The following HOGA1 variants were observed in gnomAD, a reference collection of about 807,000 sequenced individuals.
The protein encoded by HOGA1 is 4-hydroxy-2-oxoglutarate aldolase, mitochondrial.
A neutral mutation model predicts 34.3 loss-of-function variants in HOGA1; 30 were observed. That is an observed-to-expected ratio of 0.87 (90% CI 0.65 to 1.19). HOGA1 has a LOEUF of 1.19. Ranked by LOEUF, HOGA1 falls within the 50% of genes most tolerant of loss-of-function variation. The probability of loss-of-function intolerance (pLI) is 0.00; values close to 1 mark genes in which losing one functional copy is unlikely to be tolerated. For missense variants in HOGA1, 417 were observed against 436.5 expected (o/e 0.96, Z 0.40); for synonymous variants, 161 against 174.0 (o/e 0.93, Z 0.59).
chr10:97,596,284 C>T (rs2041070855), intron 1 of HOGA1, among the ~76,000 whole-genome samples: 2 of 152,186 alleles, frequency 1.3e-5, no homozygotes, highest in South Asian at 4.1e-4. Context: ...CTCAGCTGTC[C>T]TGCTGTTTAG....
intron 6 of HOGA1, among the ~76,000 whole-genome samples, chr10:97,605,730 A>G (rs930940306): frequency 5.9e-5 from 9 of 152,122 alleles, no homozygotes; most frequent in Non-Finnish European, 8.8e-5. Flanking sequence ...TGCTATCTGT[A>G]TATCCTTTTC....
chr10:97,589,740 G>A, intron 1 of HOGA1: 1 of 660,564 alleles, frequency 1.5e-6, no homozygotes, highest in South Asian at 1.9e-5. Context: ...TGGGGAGCCT[G>A]CCCTTTCAAG....
Position 97,601,989 on chromosome 10 carries a change from C to CG in HOGA1, c.834+1dup. The CG allele has an allele frequency of 6.2e-7, 1 of 1,611,264 alleles. No homozygotes were observed. Among genetic ancestry groups the CG allele is most frequent in the Admixed American group, 1.7e-5 (1 of 59,596 alleles). On this transcript the variant is annotated frameshift_variant and splice_region_variant, in exon 6 of 7. Transcript: ENST00000370646. LOFTEE classifies it high-confidence loss of function. ...CACCGCCTCATTGAGCCAAACGCTG[C>CG]GGTGAGCCAGTGGCAGCGGGGGCGC...
At chr10:97,605,485 C>G (rs2041150830) in intron 6 of HOGA1, among the ~76,000 whole-genome samples, 1 of 151,986 alleles carries the variant, frequency 6.6e-6, no homozygotes, top group South Asian at 2.1e-4. Context: ...AGAAACAAAC[C>G]TGCTAAACCT....
At chr10:97,588,266 C>T (rs888758223) in intron 1 of HOGA1, among the ~76,000 whole-genome samples, 11 of 146,086 alleles carry the variant, frequency 7.5e-5, no homozygotes, top group Non-Finnish European at 1.5e-4. Context: ...GGCACGATCT[C>T]GGCTTACTGC....
chr10:97,589,789 A>C (rs1048754727), intron 1 of HOGA1: 1 of 801,310 alleles, frequency 1.2e-6, no homozygotes, highest in Non-Finnish European at 2.1e-6. Flanking sequence ...GCGTGCTCTT[A>C]GCTCTGCCTG....
chr10:97,586,029 C>T (rs562045180), intron 1 of HOGA1, among the ~76,000 whole-genome samples: 69 of 151,714 alleles, frequency 4.5e-4, no homozygotes, highest in African/African-American at 1.0e-3. Flanking sequence ...CCCAGCTACT[C>T]GGGAGACTGA....
chr10:97,599,488 T>C (rs988965401), intron 3 of HOGA1, 192 bp from the exon 4 acceptor site: 5 of 795,062 alleles, frequency 6.3e-6, no homozygotes, highest in Non-Finnish European at 1.1e-5. Context: ...GAACTGTGCG[T>C]GGCATATGGA....
chr10:97,602,405 C>A, intron 6 of HOGA1: 8 of 985,328 alleles, frequency 8.1e-6, no homozygotes, highest in Non-Finnish European at 9.6e-6. Flanking sequence ...ATGACTGGGG[C>A]TGGCAAAGGA....
chr10:97,590,513 A>C (rs1469317814), intron 1 of HOGA1: 22 of 1,612,740 alleles, frequency 1.4e-5, no homozygotes, highest in Non-Finnish European at 1.9e-5. Flanking sequence ...CAGTCACCAC[A>C]GTCACCATGG....
At chr10:97,587,750 CCGG>C (rs2040981580) in intron 1 of HOGA1, among the ~76,000 whole-genome samples, 1 of 152,154 alleles carries the variant, frequency 6.6e-6, no homozygotes, top group African/African-American at 2.4e-5. Context: ...TCACGGTCCG[CCGG>C]CCTCGGCCTC....
Position 97,584,486 on chromosome 10 carries a change from C to T in HOGA1, c.-218C>T. The T allele has an allele frequency of 3.6e-6, 2 of 561,612 alleles. No individual in the cohort carries two copies. Among genetic ancestry groups the T allele is most frequent in the South Asian group, 5.1e-5 (2 of 38,848 alleles). 34.8% of individuals were successfully genotyped at this position (561,612 alleles called of 1,614,324 possible). A position where few individuals can be genotyped will look rare whatever the true frequency, so the allele number is the denominator to read the frequency against. On this transcript the variant is annotated 5_prime_UTR_variant, in exon 1 of 7. Transcript: ENST00000370646. ...AGAGGGACACTGGGTTGTGGCATCT[C>T]TCTAGCTGCTACCCAGAAGGAACAG...
chr10:97,600,554 C>A, intron 5 of HOGA1: 1 of 317,828 alleles, frequency 3.1e-6, no homozygotes, highest in Non-Finnish European at 6.1e-6. Flanking sequence ...CTGTCCCAGA[C>A]CAGAATGAAT....
At chr10:97,594,738 G>A (rs1333609269) in intron 1 of HOGA1, among the ~76,000 whole-genome samples, 3 of 152,236 alleles carry the variant, frequency 2.0e-5, no homozygotes, top group South Asian at 2.1e-4. Flanking sequence ...TAGTCCACCC[G>A]TCTTGGCCTC....
intron 1 of HOGA1, among the ~76,000 whole-genome samples, chr10:97,588,555 G>A (rs188198979): frequency 6.6e-6 from 1 of 152,180 alleles, no homozygotes; most frequent in Non-Finnish European, 1.5e-5. Flanking sequence ...CTAGAGGAAG[G>A]GGTCATTACA....
In HOGA1 at chr10:97,599,690, T is replaced by G. The variant is rs889071576; in HGVS notation, c.479T>G (p.Leu160Arg). 1 of 1,613,978 alleles carries G rather than the reference T, an allele frequency of 6.2e-7. No homozygotes were observed. The highest frequency in any genetic ancestry group is 1.3e-5 in the African/African-American group (1 of 74,898). ...CGCCCCCCTCCCCAGGTTGCTGATC[T>G]CTCTCCAATCCCTGTGGTGCTGTAC... ...LIHHYTKVAD[L>R]SPIPVVLYSV... Residue 160 changes from leucine to arginine, a missense_variant, in exon 4 of 7, where the codon CTC becomes CGC. Physicochemically the swap from Leu to Arg is moderately radical, Grantham distance 102. Transcript: ENST00000370646.
rs770003996 is a variant in HOGA1, at chr10:97,590,019, G to A, written c.211+5105G>A. ...AGCTGGATTAAATCCCACTTTAGCC[G>A]CCTTTCCGAAGAGAAGCTGGCCCTC... On this transcript the variant is annotated intron_variant, in intron 1 of 6. Coordinates refer to ENST00000370646, the MANE Select transcript of HOGA1 (RefSeq NM_138413.4). 49 of 1,614,060 alleles carry A rather than the reference G, an allele frequency of 3.0e-5. No individual in the cohort carries two copies. In the South Asian group the frequency reaches 3.5e-4, roughly 12 times the overall value.
intron 6 of HOGA1, among the ~76,000 whole-genome samples, chr10:97,604,913 G>A (rs2041145475): frequency 6.6e-6 from 1 of 152,176 alleles, no homozygotes; most frequent in Non-Finnish European, 1.5e-5. Flanking sequence ...TGCGGCAGGT[G>A]GAGGTTGCAG....
At chr10:97,608,158 G>A (rs77657628) in intron 6 of HOGA1, among the ~76,000 whole-genome samples, 10,513 of 152,014 alleles carry the variant, frequency 0.069, 406 homozygotes, top group East Asian at 0.11. Context: ...AAAAATAAAT[G>A]AAAATTAGCC....
Sources: allele counts gnomAD v4.1 joint callset (sites outside exome capture counted in the v4.1 genomes callset), GRCh38; gene constraint gnomAD v4.1.1; transcripts MANE v1.5; gene names NCBI Gene and HGNC (gene_info 2026-07-23, HGNC 2026-07-21).